PCDH15: variants seen among roughly 807,000 people sequenced by gnomAD.
PCDH15 encodes the protein protocadherin related 15.
A neutral mutation model predicts 178.5 loss-of-function variants in PCDH15; 129 were observed. The ratio of observed to expected loss-of-function variants is 0.72; its 90% confidence interval spans 0.63 to 0.84. The LOEUF (loss-of-function observed/expected upper bound fraction) is 0.84. PCDH15 is among the 40% of genes least tolerant of loss of function. The pLI, the probability that PCDH15 is intolerant of heterozygous loss-of-function variation, is 0.00. For missense variants in PCDH15, 2,230 were observed against 2,099.9 expected, an observed-to-expected ratio of 1.06 and a Z score of -1.21; for synonymous variants, 800 against 732.0, an observed-to-expected ratio of 1.09 and a Z score of -1.50.
At chr10:54,836,918 G>T (rs908346482) in intron 3 of PCDH15, among the ~76,000 whole-genome samples, 20 of 152,084 alleles carry the variant, frequency 1.3e-4, no homozygotes, top group African/African-American at 4.8e-4. Context: ...TAAAATTATT[G>T]TTATTATTTA....
intron 2 of PCDH15, among the ~76,000 whole-genome samples, chr10:55,371,373 T>C (rs1255435297): frequency 1.3e-5 from 2 of 152,090 alleles, no homozygotes; most frequent in Non-Finnish European, 1.5e-5. Flanking sequence ...AAAAGCCCTC[T>C]AGCTGATTCT....
chr10:53,915,065 C>A (rs2083426999), intron 25 of PCDH15, among the ~76,000 whole-genome samples: 1 of 152,080 alleles, frequency 6.6e-6, no homozygotes, highest in Admixed American at 6.5e-5. Context: ...TTTATAGATA[C>A]ATATTTTTGA....
intron 3 of PCDH15, among the ~76,000 whole-genome samples, chr10:54,434,656 C>T (rs1041797301): frequency 2.6e-5 from 4 of 152,148 alleles, no homozygotes; most frequent in African/African-American, 9.7e-5. Context: ...TCACCTAATG[C>T]ATTTCTTAGA....
At chr10:55,552,781 TTATAAA>T (rs986917148) in intron 2 of PCDH15, among the ~76,000 whole-genome samples, 161 of 151,586 alleles carry the variant, frequency 1.1e-3, no homozygotes, top group African/African-American at 3.8e-3. Context: ...TTATAAACTA[TTATAAA>T]TATATGTACT....
intron 5 of PCDH15, among the ~76,000 whole-genome samples, chr10:54,367,866 T>C (rs1264267411): frequency 6.6e-6 from 1 of 151,526 alleles, no homozygotes; most frequent in Non-Finnish European, 1.5e-5. Context: ...GTAAGTAGAT[T>C]TGTTGCCTAA....
chr10:54,237,403 T>C (rs939079779), intron 8 of PCDH15, among the ~76,000 whole-genome samples: 1 of 152,094 alleles, frequency 6.6e-6, no homozygotes, highest in African/African-American at 2.4e-5. Context: ...AAAATAAAAG[T>C]CACATTATTG....
chr10:54,198,381 A>C (rs1332914257), intron 10 of PCDH15, among the ~76,000 whole-genome samples: 1 of 152,008 alleles, frequency 6.6e-6, no homozygotes, highest in African/African-American at 2.4e-5. Flanking sequence ...TTTAAGCAGG[A>C]ATCCTCTGCT....
At chr10:54,701,605 G>C (rs1013771002) in intron 1 of PCDH15, among the ~76,000 whole-genome samples, 1 of 151,958 alleles carries the variant, frequency 6.6e-6, no homozygotes, top group Non-Finnish European at 1.5e-5. Flanking sequence ...AAGGGATGGA[G>C]AAAAATCAAT....
At position 55,308,653 on chromosome 10, in the gene PCDH15, G is replaced by A. The variant is rs563266923; in HGVS notation, c.-156+10946C>T. Among the ~76,000 whole-genome samples the A allele has an allele frequency of 2.6e-5, 4 of 152,226 alleles. No homozygotes were observed. In the East Asian group the frequency reaches 7.7e-4, roughly 29 times the overall value. ...ATACTTATATCTTAGGTGCCTCATT[G>A]TCCCTGTCCTCCCAGCATAGACTTA... On this transcript the variant is annotated intron_variant, in intron 1 of 5. Transcript: ENST00000458638.
intron 15 of PCDH15, among the ~76,000 whole-genome samples, chr10:54,097,587 T>A (rs2094723698): frequency 6.6e-6 from 1 of 152,246 alleles, no homozygotes; most frequent in East Asian, 1.9e-4. Context: ...GTTAATTTTC[T>A]TCTCTATTAG....
rs373482210 is a variant in PCDH15, at chr10:54,090,003, C to G, written c.1978G>C (p.Val660Leu). Reference sequence around the variant, plus strand: ...ACTTACGTTTCTGAAAGATTAAAAACTCTCTGAGGATCTCCATTCTCAATG... The same window carrying G: ...ACTTACGTTTCTGAAAGATTAAAAAGTCTCTGAGGATCTCCATTCTCAATG... ...YAIENGDPQR[V>L]FNLSETTGIL... The change falls in exon 16 of 38, where the codon GTT becomes CTT. Residue 660 changes from valine (V) to leucine (L), a missense_variant. Transcript: ENST00000644397. 1.2e-5 allele frequency: 19 copies of G among 1,611,558 alleles called. No homozygotes were observed. In the African/African-American group the frequency reaches 2.5e-4, roughly 22 times the overall value.
rs543998024 is a variant in PCDH15 at position 54,975,596 on chromosome 10, T to G, written c.-79-78096A>C. Among the ~76,000 whole-genome samples the G allele has an allele frequency of 8.5e-5, 13 of 152,178 alleles. No homozygotes were observed. The East Asian group carries it at 1.9e-3, about 23-fold the overall frequency. On this transcript the variant is annotated intron_variant, in intron 2 of 5. Transcript: ENST00000458638. ...AGTGGTGGTGGCAGAGAAGGCTTTCTAGGAGAGGTGACTTTTGAGATAAAC... is the reference window on the plus strand; with the variant it reads ...AGTGGTGGTGGCAGAGAAGGCTTTCGAGGAGAGGTGACTTTTGAGATAAAC...
At chr10:55,047,998 T>C (rs1841055614) in intron 2 of PCDH15, among the ~76,000 whole-genome samples, 1 of 151,842 alleles carries the variant, frequency 6.6e-6, no homozygotes, top group Non-Finnish European at 1.5e-5. Flanking sequence ...TTATCAGTAC[T>C]ATGCAGGGTT....
chr10:55,041,250 C>T (rs891927808), intron 2 of PCDH15, among the ~76,000 whole-genome samples: 1 of 152,060 alleles, frequency 6.6e-6, no homozygotes, highest in African/African-American at 2.4e-5. Flanking sequence ...TGCAAGTAGT[C>T]ACTTTCAATA....
At chr10:54,458,343 T>C (rs80064329) in intron 3 of PCDH15, among the ~76,000 whole-genome samples, 6 of 150,108 alleles carry the variant, frequency 4.0e-5, no homozygotes, top group African/African-American at 1.5e-4. Flanking sequence ...AAAACTTTAA[T>C]CATTCTACAT....
intron 8 of PCDH15, among the ~76,000 whole-genome samples, chr10:54,277,815 C>T (rs1258122454): frequency 6.6e-6 from 1 of 151,214 alleles, no homozygotes; most frequent in Non-Finnish European, 1.5e-5. Context: ...GTAGAGGTGA[C>T]CAGATTTCAC....
chr10:54,654,533 C>T (rs944665987), intron 2 of PCDH15, among the ~76,000 whole-genome samples: 1 of 152,152 alleles, frequency 6.6e-6, no homozygotes, highest in Non-Finnish European at 1.5e-5. Context: ...ATAGAGAGTG[C>T]ACTTTCAGTA....
chr10:54,748,323 T>G (rs1566114939), intron 1 of PCDH15, among the ~76,000 whole-genome samples: 1 of 152,192 alleles, frequency 6.6e-6, no homozygotes. Context: ...AGTTTAGATT[T>G]TATTACTTAA....
intron 18 of PCDH15, among the ~76,000 whole-genome samples, chr10:54,061,853 C>A (rs17643506): frequency 6.6e-6 from 1 of 151,970 alleles, no homozygotes; most frequent in African/African-American, 2.4e-5. Flanking sequence ...CTGGATAAAA[C>A]TTTTTGCTAT....
Sources: gnomAD v4.1 joint callset for allele counts (sites outside exome capture counted in the v4.1 genomes callset) on GRCh38, gnomAD v4.1.1 for gene constraint, MANE v1.5 for transcripts, NCBI Gene and HGNC (gene_info 2026-07-23, HGNC 2026-07-21) for gene names.